The following RRAGB variants were observed in gnomAD, a reference collection of about 807,000 sequenced individuals.
RRAGB encodes ras-related GTP-binding protein B.
In RRAGB, 6 loss-of-function variants were observed where a neutral mutation model predicts 29.3. The ratio of observed to expected loss-of-function variants is 0.21; its 90% CI spans 0.11 to 0.40. The LOEUF is 0.40. Among genes scored for constraint, RRAGB ranks in the 10% least tolerant of loss-of-function variants. The probability of loss-of-function intolerance (pLI) is 1.00; values close to 1 mark genes in which losing one functional copy is unlikely to be tolerated. For missense variants in RRAGB, 184 were observed against 272.9 expected (o/e 0.67, Z 2.29); for synonymous variants, 101 against 92.5 (o/e 1.09, Z -0.53).
chrX:55,720,901 A>C (rs2146735196), intron 2 of RRAGB, among the ~76,000 whole-genome samples: 1 of 111,712 alleles, frequency 9.0e-6, no homozygotes, highest in Non-Finnish European at 1.9e-5. Context: ...TAAAAAAGAA[A>C]GAACGAAAAG....
chrX:55,750,072 AAAAAAAG>A (rs1466612527), intron 5 of RRAGB, among the ~76,000 whole-genome samples: 1 of 103,758 alleles, frequency 9.6e-6, no homozygotes, highest in Admixed American at 1.0e-4. Flanking sequence ...AAAAAAAAAA[AAAAAAAG>A]GTTATTCTCT....
chrX:55,722,652 A>T (rs2033324555), intron 3 of RRAGB, among the ~76,000 whole-genome samples: 1 of 112,033 alleles, frequency 8.9e-6, no homozygotes, highest in African/African-American at 3.2e-5. Flanking sequence ...ATATGCTAAG[A>T]TTTTTTAAAG....
intron 5 of RRAGB, among the ~76,000 whole-genome samples, chrX:55,733,931 GTT>G (rs144020341): frequency 9.0e-5 from 9 of 100,151 alleles, no homozygotes; most frequent in Non-Finnish European, 1.6e-4. Flanking sequence ...TGGTCCTGGG[GTT>G]TTTTTTTTTG....
intron 7 of RRAGB, chrX:55,755,026 G>A: frequency 3.2e-5 from 22 of 689,482 alleles, no homozygotes; most frequent in Non-Finnish European, 3.8e-5. Context: ...TAAGCTCCCT[G>A]TTCCTTACTA....
At chrX:55,730,318 C>T (rs2033633691) in intron 4 of RRAGB, among the ~76,000 whole-genome samples, 1 of 112,204 alleles carries the variant, frequency 8.9e-6, no homozygotes, top group Admixed American at 9.4e-5. Context: ...CATACAAATC[C>T]TTCCTCATTA....
chrX:55,731,369 A>G lies in RRAGB; in HGVS notation c.299A>G (p.Asp100Gly). ...VLNLWDCGGQ[D>G]TFMENYFTSQ... ...ATATATATTTTTTCTATCAGGCAAG[A>G]CACCTTCATGGAAAATTATTTCACT... Residue 100 changes from aspartate to glycine, a missense_variant, in exon 5 of 10, where the codon GAC becomes GGC. Asp to Gly is a moderately conservative substitution (Grantham distance 94). Transcript: ENST00000374941. 1 of 1,201,818 alleles carries G rather than the reference A, an allele frequency of 8.3e-7. No homozygotes were observed. The highest frequency in any genetic ancestry group is 1.1e-6 in the Non-Finnish European group (1 of 887,719).
At chrX:55,728,365 G>A (rs759561405) in intron 3 of RRAGB, among the ~76,000 whole-genome samples, 36 of 111,498 alleles carry the variant, frequency 3.2e-4, no homozygotes, top group Admixed American at 2.5e-3. Flanking sequence ...GCTCATGTAC[G>A]GTTACTGGCC....
intron 3 of RRAGB, chrX:55,727,441 A>G (rs1454060383): frequency 3.5e-6 from 2 of 570,208 alleles, no homozygotes; most frequent in Admixed American, 4.9e-5. Context: ...GGAGAAGGGA[A>G]GTAGTTTGAG....
intron 5 of RRAGB, among the ~76,000 whole-genome samples, chrX:55,748,918 T>G (rs1164569386): frequency 3.0e-5 from 2 of 67,709 alleles, no homozygotes; most frequent in Non-Finnish European, 5.5e-5. Context: ...GGTGGGGGGG[T>G]CAGCCCCCCG....
chrX:55,750,216 GTGTGTT>G (rs2034482423), intron 5 of RRAGB, among the ~76,000 whole-genome samples: 2 of 106,318 alleles, frequency 1.9e-5, no homozygotes, highest in Non-Finnish European at 2.0e-5. Context: ...GTGTGTGTGT[GTGTGTT>G]TAGAGAGAGA....
chrX:55,748,104 G>A (rs751899599), intron 5 of RRAGB, among the ~76,000 whole-genome samples: 3 of 112,735 alleles, frequency 2.7e-5, no homozygotes, highest in Non-Finnish European at 5.6e-5. Flanking sequence ...TCCTAACCCC[G>A]AGTGATCCGC....
intron 5 of RRAGB, among the ~76,000 whole-genome samples, chrX:55,740,233 G>T (rs2034010426): frequency 9.0e-6 from 1 of 110,793 alleles, no homozygotes; most frequent in African/African-American, 3.3e-5. Flanking sequence ...TGAGGCAGGA[G>T]AATGGCGTGA....
chrX:55,758,171 A>G, intron 9 of RRAGB, 75 bp from the exon 10 acceptor site: 1 of 645,527 alleles, frequency 1.5e-6, no homozygotes, highest in Non-Finnish European at 2.4e-6. Flanking sequence ...TCTTTTGTTT[A>G]TTTGTTTTAC....
At chrX:55,735,864 T>A (rs1014965837) in intron 5 of RRAGB, among the ~76,000 whole-genome samples, 2 of 112,491 alleles carry the variant, frequency 1.8e-5, no homozygotes, top group Non-Finnish European at 3.8e-5. Flanking sequence ...CTTTCACATA[T>A]GCAATTTAGT....
intron 5 of RRAGB, among the ~76,000 whole-genome samples, chrX:55,743,379 G>T (rs191763380): frequency 8.9e-6 from 1 of 112,285 alleles, no homozygotes; most frequent in East Asian, 2.8e-4. Context: ...GATCACCCTG[G>T]GGGATAGTGC....
At chrX:55,718,740 A>G (rs2040160183) in intron 1 of RRAGB, among the ~76,000 whole-genome samples, 1 of 111,290 alleles carries the variant, frequency 9.0e-6, no homozygotes, top group Non-Finnish European at 1.9e-5. Context: ...AAAGACTAGA[A>G]AGAAGATTTG....
intron 7 of RRAGB, chrX:55,755,589 G>A: frequency 1.3e-5 from 10 of 745,288 alleles, no homozygotes; most frequent in Non-Finnish European, 1.6e-5. Context: ...AAAAATAGCA[G>A]TGAACCAAAA....
At chrX:55,756,468 A>C (rs1478447808) in intron 8 of RRAGB, among the ~76,000 whole-genome samples, 1 of 112,100 alleles carries the variant, frequency 8.9e-6, no homozygotes, top group Non-Finnish European at 1.9e-5. Context: ...TTTAATAATC[A>C]AAATCCTTAC....
intron 5 of RRAGB, among the ~76,000 whole-genome samples, chrX:55,749,664 G>A (rs2034450821): frequency 9.0e-6 from 1 of 110,988 alleles, no homozygotes; most frequent in Non-Finnish European, 1.9e-5. Context: ...GTAGACATGG[G>A]AGACTTTTCA....
Sources: allele counts gnomAD v4.1 joint callset (sites outside exome capture counted in the v4.1 genomes callset), GRCh38; gene constraint gnomAD v4.1.1; transcripts MANE v1.5; gene names NCBI Gene and HGNC (gene_info 2026-07-23, HGNC 2026-07-21).